Variants in HECTD4 observed in about 807,000 individuals in gnomAD.
HECTD4 encodes the protein HECT domain E3 ubiquitin protein ligase 4.
In HECTD4, 114 loss-of-function variants were observed where a neutral mutation model predicts 471.5. That is an observed-to-expected ratio of 0.24 (90% confidence interval 0.21 to 0.28). HECTD4 has a LOEUF of 0.28. Ranked by LOEUF, HECTD4 falls within the 10% of genes least tolerant of loss-of-function variation. The pLI is 1.00. For missense variants in HECTD4, 3,866 were observed against 5,651.5 expected, an observed-to-expected ratio of 0.68 and a Z score of 10.13; for synonymous variants, 2,012 against 2,256.0, an observed-to-expected ratio of 0.89 and a Z score of 3.07.
chr12:112,216,964 C>T, intron 46 of HECTD4, 43 bp from the exon 47 acceptor site: 1 of 1,603,364 alleles, frequency 6.2e-7, no homozygotes, highest in Non-Finnish European at 8.5e-7. Context: ...AGGGCTAATC[C>T]TGGGCCTGAG....
intron 1 of HECTD4, among the ~76,000 whole-genome samples, chr12:112,358,160 C>T (rs545270670): frequency 5.3e-5 from 8 of 152,184 alleles, no homozygotes; most frequent in South Asian, 2.1e-4. Context: ...GCCAACATCA[C>T]GCCACTGCAC....
At chr12:112,216,943 G>A in intron 46 of HECTD4, 22 bp from the exon 47 acceptor site, 14 of 1,610,340 alleles carry the variant, frequency 8.7e-6, no homozygotes, top group African/African-American at 1.3e-5. Flanking sequence ...CCAGAAGAGA[G>A]CAGCAATCAG....
At chr12:112,336,516 C>A (rs1001084437) in intron 1 of HECTD4, among the ~76,000 whole-genome samples, 4 of 150,018 alleles carry the variant, frequency 2.7e-5, no homozygotes, top group African/African-American at 9.9e-5. Flanking sequence ...GAGCAAGACT[C>A]CGTCTCAAAA....
At chr12:112,172,351 C>A (rs1053101028) in intron 67 of HECTD4, among the ~76,000 whole-genome samples, 3 of 152,256 alleles carry the variant, frequency 2.0e-5, no homozygotes, top group Non-Finnish European at 2.9e-5. Flanking sequence ...TCTCACTCCC[C>A]ATGGCAGCCT....
At chr12:112,219,153 T>C (rs977941729) in intron 45 of HECTD4, among the ~76,000 whole-genome samples, 1 of 152,208 alleles carries the variant, frequency 6.6e-6, no homozygotes, top group East Asian at 1.9e-4. Flanking sequence ...ATTTATAAAT[T>C]ATGAAGTTTC....
chr12:112,206,700 C>A (rs2032595977), intron 52 of HECTD4, among the ~76,000 whole-genome samples: 1 of 152,150 alleles, frequency 6.6e-6, no homozygotes, highest in Non-Finnish European at 1.5e-5. Context: ...CCATGCCTGG[C>A]TAATTTTTTG....
Position 112,319,250 on chromosome 12 carries a change from C to G in HECTD4, c.670G>C (p.Ala224Pro), listed in dbSNP as rs1450487477. 1 of 1,536,138 alleles carries G rather than the reference C, an allele frequency of 6.5e-7. No individual in the cohort carries two copies. The highest frequency in any genetic ancestry group is 2.0e-5 in the Admixed American group (1 of 51,004). The change falls in exon 2 of 76, where the codon GCC becomes CCC. Residue 224 changes from alanine (A) to proline (P), a missense_variant. Ala to Pro is a conservative substitution (Grantham distance 27). This residue lies in a region of HECTD4 where 440 missense variants were observed against 636.0 expected (regional missense o/e 0.69). Transcript: ENST00000682272. The surrounding 1 kb of genome is among the most constrained non-coding windows in gnomAD (Gnocchi z 5.3). ...CTGGCACAAGCCAAAGCCACCAGGGCAGCAGCAGCATTTTCTTTTTGCTTA... is the reference window on the plus strand; with the variant it reads ...CTGGCACAAGCCAAAGCCACCAGGGGAGCAGCAGCATTTTCTTTTTGCTTA... ...PHKQKENAAA[A>P]LVALACARGS...
At chr12:112,292,467 C>T (rs1031086835) in intron 7 of HECTD4, among the ~76,000 whole-genome samples, 2 of 152,188 alleles carry the variant, frequency 1.3e-5, no homozygotes, top group Non-Finnish European at 2.9e-5. Context: ...CTTCTGTCTC[C>T]TCCACAAGAA....
At chr12:112,250,078 A>T in intron 25 of HECTD4, 66 bp downstream of exon 25, 1 of 1,040,292 alleles carries the variant, frequency 9.6e-7, no homozygotes, top group South Asian at 1.4e-5. Flanking sequence ...GAAGAAATAT[A>T]CCCATTTCAA....
chr12:112,346,628 G>A (rs990006282), intron 1 of HECTD4, among the ~76,000 whole-genome samples: 4 of 152,186 alleles, frequency 2.6e-5, no homozygotes, highest in Non-Finnish European at 4.4e-5. Flanking sequence ...TCCAGAGAGA[G>A]AGAGAAATTG....
intron 32 of HECTD4, among the ~76,000 whole-genome samples, chr12:112,241,073 G>A (rs2033632962): frequency 6.6e-6 from 1 of 152,136 alleles, no homozygotes; most frequent in African/African-American, 2.4e-5. Context: ...GAACACTACG[G>A]GAGACATCTA....
At position 112,200,872 on chromosome 12, in the gene HECTD4, T is replaced by TGC; in HGVS notation, c.8407-75_8407-74insGC. 6 of 1,264,306 alleles carry TGC rather than the reference T, an allele frequency of 4.7e-6. No homozygotes were observed. In the East Asian group the frequency reaches 1.6e-4, roughly 33 times the overall value. 78.3% of individuals were successfully genotyped at this position (1,264,306 alleles called of 1,614,324 possible). A position where few individuals can be genotyped will look rare whatever the true frequency, so the allele number is the denominator to read the frequency against. ...CCATGTGTGCGTGCGTGCGTGTGTG[T>TGC]GTGCGTGCGTGCGTGTGTGTGTGTG... On this transcript the variant is annotated intron_variant, in intron 54 of 75. Coordinates refer to ENST00000682272, the MANE Select transcript of HECTD4 (RefSeq NM_001388303.1).
chr12:112,307,931 C>T (rs1161009879), intron 6 of HECTD4, among the ~76,000 whole-genome samples: 1 of 152,210 alleles, frequency 6.6e-6, no homozygotes. Context: ...GTTACTTAAC[C>T]TCTCTGAGCT....
intron 18 of HECTD4, among the ~76,000 whole-genome samples, chr12:112,260,577 G>C (rs1218183393): frequency 6.6e-6 from 1 of 150,888 alleles, no homozygotes; most frequent in Non-Finnish European, 1.5e-5. Context: ...AACCAGAGCA[G>C]AATTTTTTTT....
intron 59 of HECTD4, 93 bp from the exon 60 acceptor site, chr12:112,191,058 C>G (rs2032062258): frequency 2.7e-6 from 3 of 1,106,960 alleles, no homozygotes; most frequent in South Asian, 3.2e-5. Flanking sequence ...CATGTAGAAA[C>G]AGGGCTGGAG....
In HECTD4 at chr12:112,193,348, A is replaced by T. The variant is rs1184850011; in HGVS notation, c.8955+121T>A. On this transcript the variant is annotated intron_variant, in intron 57 of 75. Coordinates refer to ENST00000682272, the MANE Select transcript of HECTD4 (RefSeq NM_001388303.1). This position sits in a 1 kb window ranked among gnomAD's most constrained non-coding sequence, Gnocchi z 5.2. ...GAGATAAAGCAGAAAAGCTTCTAGG[A>T]AAAGGAAATCGAGAGGAATAGGGAC... The T allele has an allele frequency of 1.5e-6, 2 of 1,349,072 alleles. No individual in the cohort carries two copies. Among genetic ancestry groups the T allele is most frequent in the Admixed American group, 4.2e-5 (2 of 47,072 alleles). 83.6% of individuals were successfully genotyped at this position (1,349,072 alleles called of 1,614,324 possible).
rs1349854775 is a variant in HECTD4, at chr12:112,306,194, A to G, written c.1205T>C (p.Ile402Thr). Residue 402 changes from isoleucine (I) to threonine (T), a missense_variant, in exon 7 of 76, where the codon ATT (isoleucine) becomes ACT (threonine). This residue lies in a region of HECTD4 where 440 missense variants were observed against 636.0 expected (regional missense o/e 0.69). Transcript: ENST00000682272. ...VVPMPANHLP[I>T]GSTMSTVHLS... ...GTGCACAGTGCTCATGGTGCTGCCA[A>G]TGGGGAGGTGATTGGCTGGCATTGG... The G allele has an allele frequency of 5.7e-6, 9 of 1,592,162 alleles. No homozygotes were observed. The highest frequency in any genetic ancestry group is 1.8e-5 in the Admixed American group (1 of 54,330).
intron 54 of HECTD4, 78 bp from the exon 55 acceptor site, chr12:112,200,876 CGTGCGTGCGTGTGT>C: frequency 9.4e-7 from 1 of 1,062,278 alleles, no homozygotes; most frequent in Non-Finnish European, 1.3e-6. Flanking sequence ...TGTGTGTGTG[CGTGCGTGCGTGTGT>C]GTGTGTGTGT....
chr12:112,180,465 G>A (rs2031625781), intron 62 of HECTD4, among the ~76,000 whole-genome samples: 2 of 151,928 alleles, frequency 1.3e-5, no homozygotes, highest in Non-Finnish European at 2.9e-5. Context: ...AAACCAGGAG[G>A]TGGAGGTTGC....
Sources: gnomAD v4.1 joint callset for allele counts (sites outside exome capture counted in the v4.1 genomes callset) on GRCh38, gnomAD v4.1.1 for gene constraint, gnomAD v4.1.1 regional missense constraint, Gnocchi (gnomAD v3.1) non-coding constraint, MANE v1.5 for transcripts, NCBI Gene and HGNC (gene_info 2026-07-23, HGNC 2026-07-21) for gene names.